Variants in CYSLTR1 observed in about 807,000 individuals in gnomAD.
CYSLTR1 encodes the protein cysteinyl leukotriene receptor 1, also known as G-protein coupled receptor HG55.
CYSLTR1 carries 1 observed loss-of-function variant against 2.1 expected under a neutral mutation model. That is an observed-to-expected ratio of 0.48 (90% CI 0.17 to 2.28). CYSLTR1 has a LOEUF of 2.28. CYSLTR1 is among the 30% of genes most tolerant of loss of function. The probability of loss-of-function intolerance (pLI) is 0.26; values close to 1 mark genes in which losing one functional copy is unlikely to be tolerated. For synonymous variants in CYSLTR1, 110 were observed against 89.6 expected (o/e 1.23, Z -1.28); for missense variants, 299 against 250.1 (o/e 1.20, Z -1.32).
chrX:78,319,974 C>T (rs772329237), intron 1 of CYSLTR1: 1 of 110,864 alleles, frequency 9.0e-6, no homozygotes, highest in South Asian at 3.8e-4. Context: ...TTTTCTTGTA[C>T]ATTTGTTTGA....
At chrX:78,284,167 T>C (rs1921956387) in intron 1 of CYSLTR1, among the ~76,000 whole-genome samples, 1 of 111,682 alleles carries the variant, frequency 9.0e-6, no homozygotes, top group South Asian at 3.8e-4. Context: ...TCAATTAAAT[T>C]ATGTTCAATA....
intron 1 of CYSLTR1, among the ~76,000 whole-genome samples, chrX:78,284,021 C>T (rs1431090990): frequency 1.8e-5 from 2 of 111,747 alleles, no homozygotes; most frequent in Non-Finnish European, 3.8e-5. Flanking sequence ...GGACGAATGG[C>T]TTAAAGAACC....
At chrX:78,312,283 A>G (rs1923247309) in intron 1 of CYSLTR1, among the ~76,000 whole-genome samples, 1 of 111,317 alleles carries the variant, frequency 9.0e-6, no homozygotes, top group African/African-American at 3.3e-5. Context: ...CCATATGCAA[A>G]AGAATGGACC....
chrX:78,314,861 T>A (rs1386754236), intron 1 of CYSLTR1, among the ~76,000 whole-genome samples: 1 of 109,203 alleles, frequency 9.2e-6, no homozygotes, highest in East Asian at 2.9e-4. Flanking sequence ...CTGCAACTCC[T>A]AGGAACGTCC....
intron 1 of CYSLTR1, among the ~76,000 whole-genome samples, chrX:78,318,734 C>A (rs1923518080): frequency 9.0e-6 from 1 of 111,374 alleles, no homozygotes; most frequent in South Asian, 3.7e-4. Flanking sequence ...ACTTCCCCAC[C>A]TTATGTTTCT....
chrX:78,284,405 A>G (rs1357763585), intron 1 of CYSLTR1, among the ~76,000 whole-genome samples: 1 of 111,064 alleles, frequency 9.0e-6, no homozygotes, highest in East Asian at 2.8e-4. Flanking sequence ...TTAAAATTTT[A>G]TTTATTTTAG....
intron 1 of CYSLTR1, among the ~76,000 whole-genome samples, chrX:78,324,900 A>ACG (rs201129423): frequency 4.4e-4 from 49 of 111,102 alleles, no homozygotes; most frequent in African/African-American, 1.6e-3. Flanking sequence ...TTTTAGACAC[A>ACG]CACACACACA....
At chrX:78,289,334 T>A (rs1220607268) in intron 1 of CYSLTR1, among the ~76,000 whole-genome samples, 2 of 112,153 alleles carry the variant, frequency 1.8e-5, no homozygotes, top group Non-Finnish European at 3.8e-5. Flanking sequence ...TGATGTATAT[T>A]TGCCACATTT....
chrX:78,272,800 C>A lies in CYSLTR1; in HGVS notation c.947G>T (p.Ser316Ile), dbSNP rs1346906176. Reference sequence around the variant, plus strand: ...CTTCTTTCTGGGTACATAAGTCACGCTGGACAAAGAATGCTTTCTGAATGT... The same window carrying A: ...CTTCTTTCTGGGTACATAAGTCACGATGGACAAAGAATGCTTTCTGAATGT... ...LSTFRKHSLS[S>I]VTYVPRKKAS... The change falls in exon 3 of 3, where the codon AGC becomes ATC. Residue 316 changes from serine to isoleucine, a missense_variant. Transcript: ENST00000373304. 1 of 1,210,812 alleles carries A rather than the reference C, an allele frequency of 8.3e-7. No individual in the cohort carries two copies. The highest frequency in any genetic ancestry group is 2.2e-5 in the Admixed American group (1 of 45,839).
chrX:78,307,264 C>T (rs1231469050), intron 1 of CYSLTR1, among the ~76,000 whole-genome samples: 1 of 111,790 alleles, frequency 8.9e-6, no homozygotes, highest in African/African-American at 3.3e-5. Flanking sequence ...AGGTCCTTTT[C>T]CAAGATGATT....
At chrX:78,298,523 A>G (rs767150748) in intron 1 of CYSLTR1, among the ~76,000 whole-genome samples, 3 of 111,134 alleles carry the variant, frequency 2.7e-5, no homozygotes, top group African/African-American at 9.8e-5. Context: ...CTTTATCTCT[A>G]ATGATATTTC....
chrX:78,280,581 G>T (rs975790519), intron 2 of CYSLTR1, among the ~76,000 whole-genome samples: 6 of 109,830 alleles, frequency 5.5e-5, no homozygotes, highest in African/African-American at 2.0e-4. Flanking sequence ...TTCTATTTTA[G>T]GTTCAGGGGT....
intron 1 of CYSLTR1, among the ~76,000 whole-genome samples, chrX:78,313,547 T>C (rs1923293685): frequency 8.9e-6 from 1 of 111,863 alleles, no homozygotes; most frequent in Non-Finnish European, 1.9e-5. Context: ...TGAAGAAATT[T>C]AATAGATTGG....
At chrX:78,314,371 C>T (rs1475955323) in intron 1 of CYSLTR1, among the ~76,000 whole-genome samples, 1 of 111,489 alleles carries the variant, frequency 9.0e-6, no homozygotes, top group East Asian at 2.8e-4. Flanking sequence ...AGCAAGAAGG[C>T]AGAATGGAAG....
At chrX:78,320,666 A>T (rs1338463482) in intron 1 of CYSLTR1, 3 of 111,813 alleles carry the variant, frequency 2.7e-5, no homozygotes, top group African/African-American at 9.8e-5. Context: ...TGGTAGCTTC[A>T]TGGGGATGGC....
intron 1 of CYSLTR1, among the ~76,000 whole-genome samples, chrX:78,308,243 C>T (rs1923097578): frequency 9.0e-6 from 1 of 111,314 alleles, no homozygotes; most frequent in Admixed American, 9.5e-5. Context: ...ATGGAAGTGG[C>T]CTTATAACTG....
In CYSLTR1 at chrX:78,273,072, C is replaced by A. The variant is rs945051585; in HGVS notation, c.675G>T (p.Leu225=). ...TLLKKSMKKN[L]SSHKKAIGMI... ...TTCCTATAGCCTTTTTATGACTTGA[C>A]AGATTTTTTTTCATTGATTTTTTTA... is the stretch of plus-strand genomic sequence containing the variant. Residue 225 remains leucine, a synonymous_variant, in exon 3 of 3, where the codon CTG becomes CTT. Coordinates refer to ENST00000373304, the MANE Select transcript of CYSLTR1 (RefSeq NM_006639.4). The A allele has an allele frequency of 8.3e-7, 1 of 1,208,414 alleles. No individual in the cohort carries two copies. The highest frequency in any genetic ancestry group is 1.8e-5 in the African/African-American group (1 of 57,059).
intron 1 of CYSLTR1, among the ~76,000 whole-genome samples, chrX:78,315,597 G>C (rs948280868): frequency 1.2e-4 from 13 of 111,536 alleles, no homozygotes; most frequent in African/African-American, 4.2e-4. Flanking sequence ...TGGCCCTTAA[G>C]GGAACATTGG....
intron 1 of CYSLTR1, among the ~76,000 whole-genome samples, chrX:78,316,029 C>G (rs886096191): frequency 8.9e-6 from 1 of 112,318 alleles, no homozygotes; most frequent in Non-Finnish European, 1.9e-5. Flanking sequence ...CCACCCTCAG[C>G]TTTAGGTGGT....
Sources: gnomAD v4.1 joint callset for allele counts (sites outside exome capture counted in the v4.1 genomes callset) on GRCh38, gnomAD v4.1.1 for gene constraint, MANE v1.5 for transcripts, NCBI Gene and HGNC (gene_info 2026-07-23, HGNC 2026-07-21) for gene names.